Variants in MBOAT1 observed in about 807,000 individuals in gnomAD.
MBOAT1 encodes the protein membrane bound glycerophospholipid O-acyltransferase 1.
A neutral mutation model predicts 64.4 loss-of-function variants in MBOAT1; 67 were observed. The ratio of observed to expected loss-of-function variants is 1.04; its 90% CI spans 0.85 to 1.27. The LOEUF (loss-of-function observed/expected upper bound fraction) is 1.27. MBOAT1 is among the 50% of genes most tolerant of loss of function. The pLI is 0.00. For synonymous variants in MBOAT1, 229 were observed against 218.9 expected, an observed-to-expected ratio of 1.05 and a Z score of -0.41; for missense variants, 563 against 604.6, an observed-to-expected ratio of 0.93 and a Z score of 0.72.
intron 4 of MBOAT1, among the ~76,000 whole-genome samples, chr6:20,132,279 C>T (rs1006158070): frequency 1.3e-5 from 2 of 152,148 alleles, no homozygotes; most frequent in African/African-American, 4.8e-5. Context: ...CTGATTCCAC[C>T]TGGATAGACA....
intron 1 of MBOAT1, among the ~76,000 whole-genome samples, chr6:20,188,481 A>G (rs1260027651): frequency 6.6e-6 from 1 of 152,186 alleles, no homozygotes; most frequent in Non-Finnish European, 1.5e-5. Flanking sequence ...CACGACCAAG[A>G]GAATTAAGGA....
chr6:20,208,705 T>A (rs149732446), intron 1 of MBOAT1, among the ~76,000 whole-genome samples: 12 of 151,752 alleles, frequency 7.9e-5, no homozygotes, highest in Non-Finnish European at 1.2e-4. Flanking sequence ...GAAAAAAAAA[T>A]ACCTCAGAGA....
At chr6:20,212,021 T>C (rs1044896903) in intron 1 of MBOAT1, 115 bp downstream of exon 1, 2 of 796,286 alleles carry the variant, frequency 2.5e-6, no homozygotes, top group Middle Eastern at 5.3e-4. Context: ...AACTGTCTAG[T>C]GTGTGGCTGT....
chr6:20,115,475 A>T, intron 9 of MBOAT1, 123 bp from the exon 10 acceptor site: 4 of 735,064 alleles, frequency 5.4e-6, no homozygotes, highest in Non-Finnish European at 9.4e-6. Flanking sequence ...CTCACAGTTG[A>T]GAGCAAGTCA....
rs1759741597 is a variant in MBOAT1, at chr6:20,099,746, A to G, written c.*2540T>C. On this transcript the variant is annotated 3_prime_UTR_variant, in exon 13 of 13. Transcript: ENST00000324607. ...TGTATTTATTTTCAACTGAAAGCTC[A>G]CATTCCAATAAGTATTTATGAACTG... 6.6e-6 allele frequency among the ~76,000 whole-genome samples: 1 copy of G among 152,210 alleles called. No homozygotes were observed. The highest frequency in any genetic ancestry group is 1.5e-5 in the Non-Finnish European group (1 of 68,044).
chr6:20,129,543 G>A (rs965794180), intron 5 of MBOAT1, among the ~76,000 whole-genome samples: 1 of 150,226 alleles, frequency 6.7e-6, no homozygotes, highest in Admixed American at 6.7e-5. Flanking sequence ...GAATTTACTC[G>A]TTCCTCCCAC....
At chr6:20,175,075 A>G (rs1762302584) in intron 1 of MBOAT1, among the ~76,000 whole-genome samples, 1 of 152,204 alleles carries the variant, frequency 6.6e-6, no homozygotes, top group African/African-American at 2.4e-5. Context: ...TTCTGCAAGC[A>G]AGCAAAGGAA....
chr6:20,125,853 C>A (rs1434952259), intron 7 of MBOAT1: 2 of 436,982 alleles, frequency 4.6e-6, no homozygotes, highest in East Asian at 7.1e-5. Flanking sequence ...GAATTATCCT[C>A]ATTTCCTTCC....
intron 6 of MBOAT1, among the ~76,000 whole-genome samples, chr6:20,128,088 C>T (rs931639410): frequency 2.0e-5 from 3 of 152,086 alleles, no homozygotes; most frequent in Non-Finnish European, 4.4e-5. Context: ...AGGAACCCCC[C>T]GCCCCTCCAC....
chr6:20,187,008 A>G (rs1017163460), intron 1 of MBOAT1, among the ~76,000 whole-genome samples: 1 of 152,234 alleles, frequency 6.6e-6, no homozygotes, highest in African/African-American at 2.4e-5. Context: ...TTGGGATAAA[A>G]ATAACCTTTT....
At chr6:20,114,565 A>T (rs897123287) in intron 10 of MBOAT1, among the ~76,000 whole-genome samples, 2 of 152,148 alleles carry the variant, frequency 1.3e-5, no homozygotes, top group African/African-American at 4.8e-5. Flanking sequence ...TTTAGGTAAG[A>T]GGCAGCACAG....
At chr6:20,180,717 G>C (rs557546546) in intron 1 of MBOAT1, among the ~76,000 whole-genome samples, 2 of 152,220 alleles carry the variant, frequency 1.3e-5, no homozygotes, top group African/African-American at 4.8e-5. Flanking sequence ...TTTTAAATTT[G>C]ACACCATCTC....
chr6:20,178,308 T>G (rs1343396539), intron 1 of MBOAT1, among the ~76,000 whole-genome samples: 2 of 152,184 alleles, frequency 1.3e-5, no homozygotes, highest in Non-Finnish European at 2.9e-5. Context: ...CTGCTACTAG[T>G]TAGTCCCCAG....
chr6:20,142,511 G>A (rs1028450527), intron 4 of MBOAT1, among the ~76,000 whole-genome samples: 3 of 152,186 alleles, frequency 2.0e-5, no homozygotes, highest in South Asian at 2.1e-4. Flanking sequence ...GTGCAGTGGC[G>A]CGATCTCAGC....
intron 12 of MBOAT1, among the ~76,000 whole-genome samples, chr6:20,109,297 T>G (rs1224881940): frequency 6.6e-6 from 1 of 152,160 alleles, no homozygotes; most frequent in East Asian, 1.9e-4. Flanking sequence ...GGCAGCAAAT[T>G]TACCCTCTGA....
At chr6:20,174,055 A>G (rs1168941859) in intron 1 of MBOAT1, among the ~76,000 whole-genome samples, 1 of 152,214 alleles carries the variant, frequency 6.6e-6, no homozygotes, top group East Asian at 1.9e-4. Context: ...CTCACGAGAC[A>G]GTTATAAAGC....
intron 1 of MBOAT1, among the ~76,000 whole-genome samples, chr6:20,158,239 C>G (rs1761753803): frequency 6.7e-6 from 1 of 150,066 alleles, no homozygotes; most frequent in Non-Finnish European, 1.5e-5. Flanking sequence ...CATTAACCAA[C>G]AGAATAGGAC....
chr6:20,192,590 A>G (rs1196541651), intron 1 of MBOAT1, among the ~76,000 whole-genome samples: 3 of 152,238 alleles, frequency 2.0e-5, no homozygotes, highest in African/African-American at 7.2e-5. Flanking sequence ...TGCTGTAACA[A>G]TGAAACCTTT....
At chr6:20,124,259 G>A in intron 8 of MBOAT1, 149 bp downstream of exon 8, 1 of 677,946 alleles carries the variant, frequency 1.5e-6, no homozygotes, top group Non-Finnish European at 2.5e-6. Context: ...GGAGTGCTAT[G>A]TTGGTACGTT....
Sources: allele counts gnomAD v4.1 joint callset (sites outside exome capture counted in the v4.1 genomes callset), GRCh38; gene constraint gnomAD v4.1.1; transcripts MANE v1.5; gene names NCBI Gene and HGNC (gene_info 2026-07-23, HGNC 2026-07-21).